The following EDA variants were observed in gnomAD, a reference collection of about 807,000 sequenced individuals.
EDA encodes ectodysplasin-A.
A neutral mutation model predicts 23.6 loss-of-function variants in EDA; 2 were observed. That is an observed-to-expected ratio of 0.08 (90% confidence interval 0.03 to 0.27). The LOEUF is 0.27. Among genes scored for constraint, EDA ranks in the 10% least tolerant of loss-of-function variants. The probability of loss-of-function intolerance (pLI) is 1.00; values close to 1 mark genes in which losing one functional copy is unlikely to be tolerated. For synonymous variants in EDA, 131 were observed against 132.0 expected (o/e 0.99, Z 0.05); for missense variants, 229 against 324.2 (o/e 0.71, Z 2.26).
At chrX:69,794,736 T>C (rs2015501247) in intron 1 of EDA, among the ~76,000 whole-genome samples, 1 of 111,920 alleles carries the variant, frequency 8.9e-6, no homozygotes, top group Admixed American at 9.4e-5. Context: ...TCAATAGATA[T>C]TTGGGAGGTA....
At chrX:69,836,803 C>T (rs985337766) in intron 1 of EDA, among the ~76,000 whole-genome samples, 2 of 111,756 alleles carry the variant, frequency 1.8e-5, no homozygotes, top group African/African-American at 3.3e-5. Flanking sequence ...AGAAATCACC[C>T]ATCTTCTGCT....
rs756400222 is a variant in EDA at position 69,673,715 on chromosome X, T to G, written c.396+57011T>G. 1.2e-3 allele frequency among the ~76,000 whole-genome samples: 129 copies of G among 111,660 alleles called. 1 individual carries two copies. Among genetic ancestry groups the G allele is most frequent in the Admixed American group, 2.6e-3 (27 of 10,472 alleles). ...TCCATGATCAGTTTTACTATGAAAT[T>G]TATTGTCTGAATCAAGCTTTGCCTT... On this transcript the variant is annotated intron_variant, in intron 1 of 7. Coordinates refer to ENST00000374552, the MANE Select transcript of EDA (RefSeq NM_001399.5).
At chrX:69,873,094 C>T (rs1365224962) in intron 1 of EDA, among the ~76,000 whole-genome samples, 2 of 111,742 alleles carry the variant, frequency 1.8e-5, no homozygotes, top group Non-Finnish European at 3.8e-5. Context: ...CCAAAAGCAA[C>T]CCTCAAAACC....
At chrX:69,841,801 A>T (rs2016900555) in intron 1 of EDA, among the ~76,000 whole-genome samples, 1 of 112,576 alleles carries the variant, frequency 8.9e-6, no homozygotes, top group Non-Finnish European at 1.9e-5. Context: ...AATTTGTGAC[A>T]AAAGGAGTGT....
intron 1 of EDA, among the ~76,000 whole-genome samples, chrX:69,764,077 A>T (rs1015236624): frequency 1.8e-5 from 2 of 108,632 alleles, no homozygotes; most frequent in African/African-American, 6.7e-5. Context: ...TGAGGAGGGG[A>T]TAATTAGATT....
intron 1 of EDA, among the ~76,000 whole-genome samples, chrX:69,678,506 G>T (rs1388338988): frequency 9.0e-6 from 1 of 111,015 alleles, no homozygotes; most frequent in African/African-American, 3.3e-5. Context: ...CTTGAGCAGT[G>T]GTTTGTAGTT....
intron 1 of EDA, among the ~76,000 whole-genome samples, chrX:69,910,372 AGAGT>A (rs1290426505): frequency 0.2 from 10,099 of 50,186 alleles, 551 homozygotes; most frequent in Middle Eastern, 0.29. Context: ...AGAGAGAGAG[AGAGT>A]GTGTGTGTGT....
At chrX:69,928,032 C>T (rs1457323183) in intron 1 of EDA, among the ~76,000 whole-genome samples, 1 of 111,711 alleles carries the variant, frequency 9.0e-6, no homozygotes, top group Non-Finnish European at 1.9e-5. Flanking sequence ...TACATGTTCT[C>T]ATTTAATTCT....
At chrX:69,676,964 G>A (rs1431751562) in intron 1 of EDA, among the ~76,000 whole-genome samples, 2 of 89,374 alleles carry the variant, frequency 2.2e-5, no homozygotes, top group South Asian at 7.3e-4. Flanking sequence ...ATCTCCCAAT[G>A]CTATCCCTCC....
In EDA at chrX:69,749,919, GTTCTTTTTTTTTTT is replaced by G. The variant is rs1319030622; in HGVS notation, c.396+133218_396+133231del. ...TTTTTAGAAACTTCCTCTCACTAAG[GTTCTTTTTTTTTTT>G]TTTTTTTTTTTTTTTTGGTTGGGGA... On this transcript the variant is annotated intron_variant, in intron 1 of 7. Transcript: ENST00000374552. Among the ~76,000 whole-genome samples, 156 of 48,607 alleles carry G rather than the reference GTTCTTTTTTTTTTT, an allele frequency of 3.2e-3. 1 individual carries two copies. The highest frequency in any genetic ancestry group is 0.016 in the African/African-American group (151 of 9,454). The allele number at this position is 48,607 out of a possible 115,157, so 42.2% of individuals were successfully genotyped here. A position where few individuals can be genotyped will look rare whatever the true frequency, so the allele number is the denominator to read the frequency against.
intron 1 of EDA, chrX:69,617,141 A>C: frequency 4.2e-6 from 1 of 236,946 alleles, no homozygotes; most frequent in Non-Finnish European, 7.9e-6. Context: ...AAACAGCTGT[A>C]ATAACTGTTC....
chrX:69,765,335 G>A (rs2014438917), intron 1 of EDA, among the ~76,000 whole-genome samples: 1 of 112,399 alleles, frequency 8.9e-6, no homozygotes, highest in Non-Finnish European at 1.9e-5. Context: ...GTTTGAAAAT[G>A]CTCATTCTCT....
At chrX:69,732,183 G>C (rs1028438878) in intron 1 of EDA, among the ~76,000 whole-genome samples, 1 of 111,669 alleles carries the variant, frequency 9.0e-6, no homozygotes, top group East Asian at 2.8e-4. Context: ...CATGTGCCAT[G>C]TTGGTGTGCT....
chrX:69,716,439 G>T (rs2012337308), intron 1 of EDA, among the ~76,000 whole-genome samples: 1 of 109,978 alleles, frequency 9.1e-6, no homozygotes, highest in Admixed American at 9.7e-5. Context: ...CATCTGTTTT[G>T]TTCCATTACC....
Position 70,003,388 on chromosome X carries a change from G to A in EDA, c.503-19830G>A, listed in dbSNP as rs761861588. Among the ~76,000 whole-genome samples the A allele has an allele frequency of 2.7e-5, 3 of 111,902 alleles. No homozygotes were observed. The Admixed American group carries it at 2.9e-4, about 11-fold the overall frequency. ...ATAGAAAATGAATGTGATGATGATA[G>A]CTGCTATTTATTGAGTGCCTATATG... On this transcript the variant is annotated intron_variant, in intron 2 of 7. Transcript: ENST00000374552.
chrX:69,945,762 T>C (rs917777861), intron 1 of EDA, among the ~76,000 whole-genome samples: 1 of 111,984 alleles, frequency 8.9e-6, no homozygotes, highest in East Asian at 2.8e-4. Flanking sequence ...ACTTTCATGG[T>C]CACAAGCAAG....
At chrX:69,758,022 C>T (rs1002029703) in intron 1 of EDA, among the ~76,000 whole-genome samples, 4 of 111,928 alleles carry the variant, frequency 3.6e-5, no homozygotes, top group African/African-American at 1.3e-4. Context: ...AGCGATTTGT[C>T]TCCATTTTTA....
chrX:69,897,805 AGAGCTT>A lies in EDA; in HGVS notation c.397-59219_397-59214del, dbSNP rs748069899. 8.1e-4 allele frequency among the ~76,000 whole-genome samples: 91 copies of A among 111,891 alleles called. No homozygotes were observed. In the South Asian group the frequency reaches 0.032, roughly 39 times the overall value. On this transcript the variant is annotated intron_variant, in intron 1 of 7. Coordinates refer to ENST00000374552, the MANE Select transcript of EDA (RefSeq NM_001399.5). ...CATCCTGCCTCTAGTGCAACGTGTC[AGAGCTT>A]GATCCTATTGCCTGCTTATTCAGTA...
chrX:69,626,908 A>T (rs1056144600), intron 1 of EDA, among the ~76,000 whole-genome samples: 1 of 111,335 alleles, frequency 9.0e-6, no homozygotes, highest in Non-Finnish European at 1.9e-5. Context: ...ATGGTGAATA[A>T]ATGTGTAAGG....
Sources: allele counts gnomAD v4.1 joint callset (sites outside exome capture counted in the v4.1 genomes callset), GRCh38; gene constraint gnomAD v4.1.1; transcripts MANE v1.5; gene names NCBI Gene and HGNC (gene_info 2026-07-23, HGNC 2026-07-21).